The following GIGYF2 variants were observed in gnomAD, a reference collection of about 807,000 sequenced individuals.
The protein encoded by GIGYF2 is GRB10-interacting GYF protein 2.
In GIGYF2, 25 loss-of-function variants were observed where a neutral mutation model predicts 208.1. The ratio of observed to expected loss-of-function variants is 0.12; its 90% confidence interval spans 0.09 to 0.17. The LOEUF (loss-of-function observed/expected upper bound fraction) is 0.17, where lower values mean the gene tolerates loss of function less well. Ranked by LOEUF, GIGYF2 falls within the 10% of genes least tolerant of loss-of-function variation. The pLI is 1.00. For missense variants in GIGYF2, 1,302 were observed against 1,579.4 expected, an observed-to-expected ratio of 0.82 and a Z score of 2.98; for synonymous variants, 534 against 543.8, an observed-to-expected ratio of 0.98 and a Z score of 0.25.
intron 22 of GIGYF2, among the ~76,000 whole-genome samples, chr2:232,836,345 T>C (rs1222420419): frequency 5.2e-5 from 2 of 38,626 alleles, no homozygotes; most frequent in South Asian, 5.4e-4. Context: ...TATATACTTA[T>C]ATATTTATAT....
intron 8 of GIGYF2, among the ~76,000 whole-genome samples, chr2:232,781,775 G>C (rs1699730537): frequency 6.6e-6 from 1 of 152,112 alleles, no homozygotes; most frequent in Non-Finnish European, 1.5e-5. Flanking sequence ...CTTCCAATGG[G>C]TCAAATTTAT....
At chr2:232,802,835 TTAAA>T (rs1700438766) in intron 14 of GIGYF2, among the ~76,000 whole-genome samples, 1 of 152,204 alleles carries the variant, frequency 6.6e-6, no homozygotes, top group Admixed American at 6.5e-5. Context: ...TAGTTTTTCC[TTAAA>T]TGTTTGGTGC....
intron 4 of GIGYF2, among the ~76,000 whole-genome samples, chr2:232,748,126 C>T (rs947806956): frequency 2.6e-5 from 4 of 152,254 alleles, no homozygotes; most frequent in East Asian, 1.9e-4. Context: ...AGGAGGAGCA[C>T]CTTCGGCTAT....
intron 8 of GIGYF2, among the ~76,000 whole-genome samples, chr2:232,763,494 TAATAA>T (rs1269686976): frequency 6.6e-6 from 1 of 152,072 alleles, no homozygotes; most frequent in Non-Finnish European, 1.5e-5. Flanking sequence ...TAATAACTAA[TAATAA>T]AATAGAACAA....
At chr2:232,845,306 T>C (rs1403463084) in intron 25 of GIGYF2, among the ~76,000 whole-genome samples, 1 of 152,236 alleles carries the variant, frequency 6.6e-6, no homozygotes, top group African/African-American at 2.4e-5. Context: ...GCCTAACATA[T>C]TATGAATAGA....
Position 232,845,866 on chromosome 2 carries a change from A to T in GIGYF2, c.3440A>T (p.Asn1147Ile). The T allele has an allele frequency of 6.2e-7, 1 of 1,607,518 alleles. No individual in the cohort carries two copies. The highest frequency in any genetic ancestry group is 2.2e-5 in the East Asian group (1 of 44,850). ...TGTGAACAGATGCTTCATGCCCTTA[A>T]TACGGCAAATAACTTGGATGGTAAG... ...QWCEQMLHAL[N>I]TANNLDVPTF... Residue 1147 changes from asparagine to isoleucine, a missense_variant, in exon 26 of 29, where the codon AAT (asparagine) becomes ATT (isoleucine). Physicochemically the swap from Asn to Ile is moderately radical, Grantham distance 149 (BLOSUM62 -3). Transcript: ENST00000373563.
chr2:232,762,238 G>GTTTTTTTTTT (rs11301320), intron 8 of GIGYF2, among the ~76,000 whole-genome samples: 1 of 129,140 alleles, frequency 7.7e-6, no homozygotes. Context: ...TTTTTTTTTT[G>GTTTTTTTTTT]TTTTTTTTTT....
intron 21 of GIGYF2, among the ~76,000 whole-genome samples, chr2:232,824,578 A>G (rs1239341200): frequency 2.0e-5 from 3 of 152,222 alleles, no homozygotes; most frequent in African/African-American, 7.2e-5. Flanking sequence ...AAAAGTTTGA[A>G]GCTATCAGTG....
At chr2:232,711,655 A>G (rs1207897314) in intron 2 of GIGYF2, among the ~76,000 whole-genome samples, 1 of 145,738 alleles carries the variant, frequency 6.9e-6, no homozygotes, top group Non-Finnish European at 1.5e-5. Flanking sequence ...GTCTGTTGCT[A>G]TTTATTACTT....
intron 5 of GIGYF2, among the ~76,000 whole-genome samples, chr2:232,752,770 G>C (rs1428898809): frequency 2.6e-5 from 4 of 152,130 alleles, no homozygotes; most frequent in Non-Finnish European, 5.9e-5. Flanking sequence ...TCGATCTCCT[G>C]ACCTCGTGAT....
Position 232,796,157 on chromosome 2 carries a change from G to T in GIGYF2, c.1575G>T (p.Ser525=). 1 of 1,599,994 alleles carries T rather than the reference G, an allele frequency of 6.3e-7. No individual in the cohort carries two copies. Among genetic ancestry groups the T allele is most frequent in the Non-Finnish European group, 8.6e-7 (1 of 1,167,096 alleles). Residue 525 remains serine (S), a synonymous_variant, in exon 14 of 29, where the codon TCG becomes TCT. Transcript: ENST00000373563. ...KLQEHRAKGV[S]IPLMHEAMQK... ...AAGAGCACAGAGCTAAAGGAGTGTC[G>T]ATTCCATTGATGCATGAAGCAATGC...
At chr2:232,729,581 A>C in intron 2 of GIGYF2, 1 of 1,390,072 alleles carries the variant, frequency 7.2e-7, no homozygotes, top group South Asian at 1.2e-5. Flanking sequence ...AAAAGCAGTG[A>C]TCTGCTTCTC....
At chr2:232,699,254 C>G (rs1265009976) in intron 1 of GIGYF2, among the ~76,000 whole-genome samples, 1 of 152,038 alleles carries the variant, frequency 6.6e-6, no homozygotes. Context: ...AGCAAAGACC[C>G]GGAGACAAAA....
intron 28 of GIGYF2, among the ~76,000 whole-genome samples, chr2:232,852,751 A>G (rs572720521): frequency 3.3e-5 from 5 of 152,326 alleles, no homozygotes; most frequent in South Asian, 2.1e-4. Flanking sequence ...AATAGATTTT[A>G]AAACATTCCT....
At chr2:232,735,876 T>C (rs1467413813) in intron 3 of GIGYF2, 1 of 981,552 alleles carries the variant, frequency 1.0e-6, no homozygotes, top group East Asian at 1.1e-4. Flanking sequence ...TGATTGAAGA[T>C]CCTCTCTTCA....
chr2:232,837,038 C>G (rs1219454462), intron 22 of GIGYF2, among the ~76,000 whole-genome samples: 6 of 152,208 alleles, frequency 3.9e-5, no homozygotes, highest in African/African-American at 1.4e-4. Flanking sequence ...CTTGGCTTGC[C>G]TCTCCTGATG....
intron 8 of GIGYF2, chr2:232,771,159 C>T (rs1003135933): frequency 6.2e-7 from 1 of 1,613,896 alleles, no homozygotes; most frequent in African/African-American, 1.3e-5. Context: ...CAAAGACAAG[C>T]CAGTGGACAA....
chr2:232,796,509 A>G (rs1700227674), intron 14 of GIGYF2, among the ~76,000 whole-genome samples: 1 of 152,164 alleles, frequency 6.6e-6, no homozygotes, highest in Admixed American at 6.6e-5. Context: ...AAAGTTTCAG[A>G]TTTTAGAGCA....
intron 8 of GIGYF2, among the ~76,000 whole-genome samples, chr2:232,769,693 T>C (rs1339805426): frequency 6.6e-6 from 1 of 152,114 alleles, no homozygotes; most frequent in East Asian, 1.9e-4. Context: ...TTAATCAGTT[T>C]TGTGCCACAG....
Sources: allele counts gnomAD v4.1 joint callset (sites outside exome capture counted in the v4.1 genomes callset), GRCh38; gene constraint gnomAD v4.1.1; transcripts MANE v1.5; gene names NCBI Gene and HGNC (gene_info 2026-07-23, HGNC 2026-07-21).